PHLPP2: variants seen among roughly 807,000 people sequenced by gnomAD.
The protein encoded by PHLPP2 is PH domain and leucine rich repeat protein phosphatase 2.
A neutral mutation model predicts 124.9 loss-of-function variants in PHLPP2; 66 were observed. The ratio of observed to expected loss-of-function variants is 0.53; its 90% CI spans 0.43 to 0.65. The LOEUF (loss-of-function observed/expected upper bound fraction) is 0.65. Ranked by LOEUF, PHLPP2 falls within the 30% of genes least tolerant of loss-of-function variation. PHLPP2 has a pLI of 0.00. For missense variants in PHLPP2, 1,685 were observed against 1,600.4 expected, an observed-to-expected ratio of 1.05 and a Z score of -0.90; for synonymous variants, 681 against 624.7, an observed-to-expected ratio of 1.09 and a Z score of -1.34.
At position 71,694,785 on chromosome 16, in the gene PHLPP2, A is replaced by AT. The variant is rs796670304; in HGVS notation, c.419-4077dup. 7.5e-3 allele frequency among the ~76,000 whole-genome samples: 1,116 copies of AT among 149,180 alleles called. 27 individuals are homozygous for AT. The highest frequency in any genetic ancestry group is 0.025 in the African/African-American group (1,026 of 40,908). ...AAACAAAGAGACCATCATTTTTTAAATTTTTTTTTTTATTTTTGAGACGGA... is the reference window on the plus strand; with the variant it reads ...AAACAAAGAGACCATCATTTTTTAAATTTTTTTTTTTTATTTTTGAGACGGA... On this transcript the variant is annotated intron_variant, in intron 3 of 18. Transcript: ENST00000568954.
At position 71,714,557 on chromosome 16, in the gene PHLPP2, T is replaced by G. The variant is rs765738767; in HGVS notation, c.239A>C (p.Glu80Ala). ...CTGTAAATAAAGACTTTCTCTTCCC[T>G]CTCCAGCACATATTTCTGATGCTGG... ...ETPASEICAG[E>A]GRESLYLQLH... The change falls in exon 2 of 19, where the codon GAG becomes GCG. Residue 80 changes from glutamate to alanine, a missense_variant. Transcript: ENST00000568954. 8.7e-6 allele frequency: 14 copies of G among 1,613,674 alleles called. No homozygotes were observed. Among genetic ancestry groups the G allele is most frequent in the Non-Finnish European group, 1.2e-5 (14 of 1,179,826 alleles).
chr16:71,704,307 C>CA (rs56882820), intron 2 of PHLPP2, among the ~76,000 whole-genome samples: 13,059 of 98,544 alleles, frequency 0.13, 1,141 homozygotes, highest in South Asian at 0.41. Context: ...GACTCTGTCT[C>CA]AAAAAAAAAA....
chr16:71,656,794 A>G, intron 15 of PHLPP2, 113 bp from the exon 16 acceptor site: 1 of 616,744 alleles, frequency 1.6e-6, no homozygotes, highest in Non-Finnish European at 2.9e-6. Context: ...CTTGTCACCC[A>G]GGCTGGAGTG....
intron 17 of PHLPP2, among the ~76,000 whole-genome samples, chr16:71,653,425 T>C (rs1210732170): frequency 6.6e-6 from 1 of 152,150 alleles, no homozygotes; most frequent in Non-Finnish European, 1.5e-5. Flanking sequence ...AACTATACTT[T>C]AAGCAATTTC....
intron 3 of PHLPP2, among the ~76,000 whole-genome samples, chr16:71,691,831 T>G (rs886749597): frequency 6.6e-6 from 1 of 151,834 alleles, no homozygotes; most frequent in African/African-American, 2.4e-5. Flanking sequence ...AAAAGAAGTG[T>G]GCACCTGTAG....
At chr16:71,679,756 G>A (rs1274945867) in intron 6 of PHLPP2, among the ~76,000 whole-genome samples, 1 of 152,190 alleles carries the variant, frequency 6.6e-6, no homozygotes, top group African/African-American at 2.4e-5. Flanking sequence ...ACCACGTCTA[G>A]CATTACAGGA....
chr16:71,655,210 A>G (rs1220158349), intron 17 of PHLPP2, 30 bp downstream of exon 17: 2 of 1,475,194 alleles, frequency 1.4e-6, no homozygotes, highest in Admixed American at 3.4e-5. Flanking sequence ...AGTAGAACTG[A>G]GTTAGGGATT....
At chr16:71,665,619 CTG>C (rs1333939549) in intron 12 of PHLPP2, among the ~76,000 whole-genome samples, 2 of 152,126 alleles carry the variant, frequency 1.3e-5, no homozygotes, top group Non-Finnish European at 2.9e-5. Context: ...ATGGCAGGTA[CTG>C]TGTGTCTGCT....
At chr16:71,693,679 AATTAACTGTG>A (rs2145357695) in intron 3 of PHLPP2, among the ~76,000 whole-genome samples, 1 of 152,302 alleles carries the variant, frequency 6.6e-6, no homozygotes, top group South Asian at 2.1e-4. Flanking sequence ...TCTGGACTCA[AATTAACTGTG>A]ATTCATGAAC....
intron 3 of PHLPP2, among the ~76,000 whole-genome samples, chr16:71,697,754 T>C (rs2045187643): frequency 6.6e-6 from 1 of 151,516 alleles, no homozygotes; most frequent in African/African-American, 2.4e-5. Context: ...TCACAAATCA[T>C]ACCCTCTATA....
chr16:71,679,291 A>T, intron 7 of PHLPP2, 98 bp downstream of exon 7: 1 of 1,050,874 alleles, frequency 9.5e-7, no homozygotes, highest in Non-Finnish European at 1.5e-6. Flanking sequence ...TACATGATAT[A>T]GTTCACTGCA....
chr16:71,667,110 A>G, intron 12 of PHLPP2, 68 bp downstream of exon 12: 2 of 1,317,870 alleles, frequency 1.5e-6, no homozygotes, highest in East Asian at 2.3e-5. Context: ...GGTCACTCCA[A>G]TGATAAGTCA....
At chr16:71,690,305 C>G (rs936438316) in intron 4 of PHLPP2, among the ~76,000 whole-genome samples, 2 of 152,174 alleles carry the variant, frequency 1.3e-5, no homozygotes, top group Non-Finnish European at 2.9e-5. Flanking sequence ...TAATGCCTAG[C>G]AGTGGAGGTG....
chr16:71,723,801 T>C, intron 1 of PHLPP2: 1 of 1,300,934 alleles, frequency 7.7e-7, no homozygotes, highest in Non-Finnish European at 9.8e-7. Flanking sequence ...GGCCGGCGGC[T>C]CGCGGGCGCT....
At chr16:71,653,681 T>C (rs533555319) in intron 17 of PHLPP2, among the ~76,000 whole-genome samples, 1 of 152,344 alleles carries the variant, frequency 6.6e-6, no homozygotes, top group Admixed American at 6.5e-5. Context: ...GAAATTTCTC[T>C]GATAAAATAT....
chr16:71,664,233 C>A (rs2044819054), intron 12 of PHLPP2, 134 bp from the exon 13 acceptor site: 3 of 655,700 alleles, frequency 4.6e-6, no homozygotes, highest in South Asian at 1.9e-5. Flanking sequence ...AAAATCTCCA[C>A]GTAGTTTTTC....
At position 71,645,825 on chromosome 16, in the gene PHLPP2, T is replaced by C. The variant is rs185552540; in HGVS notation, c.*3065A>G. ...GTGGTAATTCAATGACTTGACTCTA[T>C]AGTGCACTGCAGCTTTATGTCATAC... is the stretch of plus-strand genomic sequence containing the variant. On this transcript the variant is annotated 3_prime_UTR_variant, in exon 19 of 19. Coordinates refer to ENST00000568954, the MANE Select transcript of PHLPP2 (RefSeq NM_015020.3). 1 of 152,930 alleles carries C rather than the reference T, an allele frequency of 6.5e-6. No individual in the cohort carries two copies. Among genetic ancestry groups the C allele is most frequent in the Admixed American group, 6.5e-5 (1 of 15,308 alleles). The allele number at this position is 152,930 out of a possible 1,614,324, so 9.5% of individuals were successfully genotyped here.
chr16:71,650,047 A>G lies in PHLPP2; in HGVS notation c.2818-3T>C. On this transcript the variant is annotated splice_region_variant and splice_polypyrimidine_tract_variant and intron_variant, in intron 18 of 18. Transcript: ENST00000568954. ...GTTACCCCATTCACTTTGTTGTCCT[A>G]CAGAAGAGCAGGACACAAATTCTGA... 1 of 1,598,240 alleles carries G rather than the reference A, an allele frequency of 6.3e-7. No individual in the cohort carries two copies. Among genetic ancestry groups the G allele is most frequent in the Non-Finnish European group, 8.5e-7 (1 of 1,174,898 alleles).
intron 3 of PHLPP2, among the ~76,000 whole-genome samples, chr16:71,698,249 G>A (rs1466269783): frequency 1.3e-5 from 2 of 152,174 alleles, no homozygotes; most frequent in East Asian, 1.9e-4. Context: ...TACTGGGGAT[G>A]TAACTGACCC....
Sources: gnomAD v4.1 joint callset for allele counts (sites outside exome capture counted in the v4.1 genomes callset) on GRCh38, gnomAD v4.1.1 for gene constraint, MANE v1.5 for transcripts, NCBI Gene and HGNC (gene_info 2026-07-23, HGNC 2026-07-21) for gene names.